Variants in SLC30A3 observed in about 807,000 individuals in gnomAD.
SLC30A3 encodes probable proton-coupled zinc antiporter SLC30A3.
A neutral mutation model predicts 35.6 loss-of-function variants in SLC30A3; 20 were observed. That is an observed-to-expected ratio of 0.56 (90% CI 0.39 to 0.82). The LOEUF (loss-of-function observed/expected upper bound fraction) is 0.82, where lower values mean the gene tolerates loss of function less well. Ranked by LOEUF, SLC30A3 falls within the 40% of genes least tolerant of loss-of-function variation. The probability of loss-of-function intolerance (pLI) is 0.00; values close to 1 mark genes in which losing one functional copy is unlikely to be tolerated. For synonymous variants in SLC30A3, 217 were observed against 224.7 expected (o/e 0.97, Z 0.31); for missense variants, 401 against 530.6 (o/e 0.76, Z 2.40).
In SLC30A3 at chr2:27,274,089, G is replaced by A. The variant is rs183875000; in HGVS notation, c.-159+1088C>T. On this transcript the variant is annotated intron_variant, in intron 1 of 5. Transcript: ENST00000424577. ...TGTAATCCCAGCACTTTTGGAGGCT[G>A]AGGCGGGTAGATCACTGAGGTCAGG... Among the ~76,000 whole-genome samples, 20 of 152,368 alleles carry A rather than the reference G, an allele frequency of 1.3e-4. No individual in the cohort carries two copies. In the East Asian group the frequency reaches 3.7e-3, roughly 28 times the overall value.
At chr2:27,267,400 C>T (rs79994333), upstream of SLC30A3, among the ~76,000 whole-genome samples, 2 of 152,258 alleles carry the variant, frequency 1.3e-5, no homozygotes, top group Admixed American at 1.3e-4. Flanking sequence ...TGCAAGGGGT[C>T]CTACGGAATT....
Position 27,257,403 on chromosome 2 carries a change from A to G in SLC30A3, c.579-51T>C. On this transcript the variant is annotated intron_variant, in intron 4 of 7. Transcript: ENST00000233535. The surrounding 1 kb of genome is among the most constrained non-coding windows in gnomAD (Gnocchi z 4.7). ...CCTAGGGCCCTGCTCCTGGCCTCCT[A>G]TACCCCCATCTCCATGTCTCACCTC... 6.6e-7 allele frequency: 1 copy of G among 1,525,612 alleles called. No homozygotes were observed. The highest frequency in any genetic ancestry group is 8.9e-7 in the Non-Finnish European group (1 of 1,121,240). The allele number at this position is 1,525,612 out of a possible 1,614,324, so 94.5% of individuals were successfully genotyped here.
chr2:27,264,549 C>T (rs927275127), upstream of SLC30A3, among the ~76,000 whole-genome samples: 5 of 152,162 alleles, frequency 3.3e-5, no homozygotes, highest in African/African-American at 1.2e-4. The surrounding 1 kb of genome is among the most constrained non-coding windows in gnomAD (Gnocchi z 6.1). Flanking sequence ...GACTGTCCTG[C>T]GCCGCTGCTG....
rs141678706 is a variant in SLC30A3 at position 27,271,944 on chromosome 2, C to T, written c.-159+3233G>A. ...ACATTCTGCAGCCTCTGTCAAGATG[C>T]GAAAGGTGTTTACTAACTCTTCTCA... On this transcript the variant is annotated intron_variant, in intron 1 of 5. Transcript: ENST00000424577. The surrounding 1 kb of genome is among the most constrained non-coding windows in gnomAD (Gnocchi z 4.3). Among the ~76,000 whole-genome samples the T allele has an allele frequency of 8.8e-3, 1,334 of 152,328 alleles. 16 individuals carry two copies. Among genetic ancestry groups the T allele is most frequent in the Middle Eastern group, 0.034 (10 of 294 alleles).
chr2:27,268,850 G>A (rs1053254939), intron 1 of SLC30A3, among the ~76,000 whole-genome samples: 1 of 152,198 alleles, frequency 6.6e-6, no homozygotes, highest in African/African-American at 2.4e-5. Flanking sequence ...GTGATGCTGT[G>A]AGCAAAGTAG....
In SLC30A3 at chr2:27,258,388, G is replaced by C. The variant is rs1404648553; in HGVS notation, c.278-81C>G. On this transcript the variant is annotated intron_variant, in intron 2 of 7. Transcript: ENST00000233535. This position sits in a 1 kb window ranked among gnomAD's most constrained non-coding sequence, Gnocchi z 4.0. ...TATAGGCATGGAAAATAAATTGGGG[G>C]ATATACACCAAAAATGTGATTTGGG... 4 of 1,358,980 alleles carry C rather than the reference G, an allele frequency of 2.9e-6. No homozygotes were observed. The highest frequency in any genetic ancestry group is 2.9e-6 in the Non-Finnish European group (3 of 1,020,988). The allele number at this position is 1,358,980 out of a possible 1,614,324, so 84.2% of individuals were successfully genotyped here. A position where few individuals can be genotyped will look rare whatever the true frequency, so the allele number is the denominator to read the frequency against.
intron 1 of SLC30A3, among the ~76,000 whole-genome samples, chr2:27,268,678 G>A (rs1002569615): frequency 4.6e-5 from 7 of 151,480 alleles, no homozygotes; most frequent in African/African-American, 1.7e-4. Flanking sequence ...GCGTGAACTT[G>A]TGCCACTGCA....
chr2:27,265,447 C>A (rs1037881155), upstream of SLC30A3, among the ~76,000 whole-genome samples: 11 of 152,200 alleles, frequency 7.2e-5, no homozygotes, highest in African/African-American at 2.7e-4. This position sits in a 1 kb window ranked among gnomAD's most constrained non-coding sequence, Gnocchi z 5.9. Context: ...AGGGTCCTCG[C>A]GAATGCCAGG....
At chr2:27,256,218 G>A (rs957115086) in intron 7 of SLC30A3, 168 bp downstream of exon 7, 8 of 749,526 alleles carry the variant, frequency 1.1e-5, no homozygotes, top group South Asian at 1.8e-5. Context: ...ATGCACGAGC[G>A]CACGTGCATG....
intron 1 of SLC30A3, among the ~76,000 whole-genome samples, chr2:27,269,915 G>C (rs1677661973): frequency 6.6e-6 from 1 of 152,084 alleles, no homozygotes; most frequent in African/African-American, 2.4e-5. Context: ...GGACATAAGA[G>C]AAGGAAGAGG....
At chr2:27,269,313 C>A (rs947520555) in intron 1 of SLC30A3, among the ~76,000 whole-genome samples, 15 of 150,806 alleles carry the variant, frequency 9.9e-5, no homozygotes, top group African/African-American at 3.7e-4. Flanking sequence ...TCAAGTGATG[C>A]TCCTGCCTTA....
rs551301614 is a variant in SLC30A3, at chr2:27,262,700, C to G, written c.95+112G>C. The G allele has an allele frequency of 3.8e-6, 4 of 1,059,308 alleles. No homozygotes were observed. Among genetic ancestry groups the G allele is most frequent in the Admixed American group, 4.0e-5 (1 of 25,256 alleles). The allele number at this position is 1,059,308 out of a possible 1,614,324, so 65.6% of individuals were successfully genotyped here. The stretch of plus-strand genomic sequence containing the variant: ...AAGCGGGGTGCAGCGGAGCGAGGGA[C>G]CCGCGGTGCGCTGGGGCGGCCGCCG... On this transcript the variant is annotated intron_variant, in intron 1 of 7. Transcript: ENST00000233535. This position sits in a 1 kb window ranked among gnomAD's most constrained non-coding sequence, Gnocchi z 7.5.
In SLC30A3 at chr2:27,255,602, CA is replaced by C. The variant is rs1411804253; in HGVS notation, c.1019-143del. The C allele has an allele frequency of 1.1e-5, 10 of 887,876 alleles. No individual in the cohort carries two copies. Among genetic ancestry groups the C allele is most frequent in the South Asian group, 5.1e-5 (3 of 58,958 alleles). The allele number at this position is 887,876 out of a possible 1,614,324, so 55.0% of individuals were successfully genotyped here. ...TGCTTTTCTTTCTGTATTGTATGAA[CA>C]GCATAAAAGTGTCAAATCAAATGTT... On this transcript the variant is annotated intron_variant, in intron 7 of 7. Coordinates refer to ENST00000233535, the MANE Select transcript of SLC30A3 (RefSeq NM_003459.5). This position sits in a 1 kb window ranked among gnomAD's most constrained non-coding sequence, Gnocchi z 5.2.
intron 7 of SLC30A3, chr2:27,256,116 T>G (rs539814192): frequency 2.0e-6 from 1 of 496,142 alleles, no homozygotes; most frequent in Non-Finnish European, 3.7e-6. Flanking sequence ...AATGATCTTT[T>G]AAAGGGTTGT....
Position 27,262,349 on chromosome 2 carries a change from G to A in SLC30A3, c.95+463C>T, listed in dbSNP as rs1248751954. ...GCCCGGCCCATCCTCGGGCCCCGGC[G>A]CCCACAGCTGGCCGCGGCTGGAGGG... On this transcript the variant is annotated intron_variant, in intron 1 of 7. Coordinates refer to ENST00000233535, the MANE Select transcript of SLC30A3 (RefSeq NM_003459.5). The surrounding 1 kb of genome is among the most constrained non-coding windows in gnomAD (Gnocchi z 7.5). Among the ~76,000 whole-genome samples the A allele has an allele frequency of 1.3e-5, 2 of 151,830 alleles. No homozygotes were observed. Among genetic ancestry groups the A allele is most frequent in the African/African-American group, 2.4e-5 (1 of 41,402 alleles).
chr2:27,275,306 G>T (rs1677962868), exon 1 of SLC30A3: 1 of 948,878 alleles, frequency 1.1e-6, no homozygotes. Flanking sequence ...TGGCAGCAAC[G>T]CTCCTACGCT....
chr2:27,260,370 C>T (rs1677121093), intron 1 of SLC30A3, among the ~76,000 whole-genome samples: 1 of 152,136 alleles, frequency 6.6e-6, no homozygotes, highest in African/African-American at 2.4e-5. Flanking sequence ...CCCAGCAGAG[C>T]CCACCTTAAC....
At position 27,254,403 on chromosome 2, in the gene SLC30A3, A is replaced by G. The variant is rs1676723489; in HGVS notation, c.*909T>C. The G allele has an allele frequency of 6.6e-6, 1 of 152,620 alleles. No homozygotes were observed. Among genetic ancestry groups the G allele is most frequent in the Admixed American group, 6.5e-5 (1 of 15,280 alleles). The allele number at this position is 152,620 out of a possible 1,614,324, so 9.5% of individuals were successfully genotyped here. ...GCTGTGAGCCAGGGGAAGGGGAGTA[A>G]AGAGACTGGTGGCTTTTACCCTCCA... On this transcript the variant is annotated 3_prime_UTR_variant, in exon 8 of 8. Coordinates refer to ENST00000233535, the MANE Select transcript of SLC30A3 (RefSeq NM_003459.5).
upstream of SLC30A3, among the ~76,000 whole-genome samples, chr2:27,265,848 T>G (rs1366305276): frequency 6.6e-6 from 1 of 152,070 alleles, no homozygotes; most frequent in Non-Finnish European, 1.5e-5. The surrounding 1 kb of genome is among the most constrained non-coding windows in gnomAD (Gnocchi z 5.9). Context: ...CACTAATGGC[T>G]GCCACACTGT....
Sources: gnomAD v4.1 joint callset for allele counts (sites outside exome capture counted in the v4.1 genomes callset) on GRCh38, gnomAD v4.1.1 for gene constraint, Gnocchi (gnomAD v3.1) non-coding constraint, MANE v1.5 for transcripts, NCBI Gene and HGNC (gene_info 2026-07-23, HGNC 2026-07-21) for gene names.